DLAT: variants seen among roughly 807,000 people sequenced by gnomAD.
The protein encoded by DLAT is dihydrolipoamide S-acetyltransferase.
DLAT carries 43 observed loss-of-function variants against 68.0 expected under a neutral mutation model. The ratio of observed to expected loss-of-function variants is 0.63; its 90% confidence interval spans 0.50 to 0.81. DLAT has a LOEUF of 0.81. Among genes scored for constraint, DLAT ranks in the 40% least tolerant of loss-of-function variants. The pLI is 0.00. For missense variants in DLAT, 745 were observed against 815.4 expected (o/e 0.91, Z 1.05); for synonymous variants, 265 against 288.6 (o/e 0.92, Z 0.83).
In DLAT at chr11:112,059,790, A is replaced by C. The variant is rs587704949; in HGVS notation, c.1515-113A>C. ...TAATTTTTGTCTTTGGCTGAACAAT[A>C]ACACACATTGGTTCAAAAAATTTTT... is the stretch of plus-strand genomic sequence containing the variant. On this transcript the variant is annotated intron_variant, in intron 11 of 13. Coordinates refer to ENST00000280346, the MANE Select transcript of DLAT (RefSeq NM_001931.5). 3.6e-6 allele frequency: 3 copies of C among 842,150 alleles called. No individual in the cohort carries two copies. The African/African-American group carries it at 5.2e-5, about 14-fold the overall frequency. 52.2% of individuals were successfully genotyped at this position (842,150 alleles called of 1,614,324 possible).
chr11:112,055,734 T>G (rs149517869), intron 11 of DLAT, among the ~76,000 whole-genome samples: 1 of 151,882 alleles, frequency 6.6e-6, no homozygotes, highest in Non-Finnish European at 1.5e-5. Flanking sequence ...GCAGCAAACA[T>G]TCAAGGAATT....
Position 112,025,561 on chromosome 11 carries a change from G to A in DLAT, c.89G>A (p.Gly30Glu), listed in dbSNP as rs1384319229. The A allele has an allele frequency of 1.2e-6, 2 of 1,613,912 alleles. No homozygotes were observed. Among genetic ancestry groups the A allele is most frequent in the African/African-American group, 2.7e-5 (2 of 74,934 alleles). ...TGGACGGCCTTGCAGGAGGTACCCGGAACTCCACGAGTGACCTCGCGATCT... is the reference window on the plus strand; with the variant it reads ...TGGACGGCCTTGCAGGAGGTACCCGAAACTCCACGAGTGACCTCGCGATCT... ...ARWTALQEVP[G>E]TPRVTSRSGP... is the part of the protein sequence containing the mutation. The change falls in exon 1 of 14, where the codon GGA becomes GAA. Residue 30 changes from glycine to glutamate, a missense_variant. Coordinates refer to ENST00000280346, the MANE Select transcript of DLAT (RefSeq NM_001931.5).
At chr11:112,049,572 ATT>A (rs60794678) in intron 10 of DLAT, among the ~76,000 whole-genome samples, 11 of 142,886 alleles carry the variant, frequency 7.7e-5, no homozygotes, top group Middle Eastern at 3.7e-3. Context: ...GGTATGATTG[ATT>A]TTTTTTTTTT....
intron 2 of DLAT, among the ~76,000 whole-genome samples, chr11:112,026,953 C>G (rs1280603137): frequency 1.3e-5 from 2 of 150,374 alleles, no homozygotes; most frequent in Admixed American, 6.6e-5. Flanking sequence ...CTGACCCCCC[C>G]ACTTCCCTCC....
rs1555181426 is a variant in DLAT, at chr11:112,045,873, A to G, written c.1301A>G (p.Gln434Arg). ...PISNIRRVIAQRLMQSKQTIP... is the reference protein window; with the variant it reads ...PISNIRRVIARRLMQSKQTIP... Reference sequence around the variant, plus strand: ...TCTCTTTGGTTTCAGGTTATTGCACAGCGATTAATGCAATCAAAGCAAACC... The same window carrying G: ...TCTCTTTGGTTTCAGGTTATTGCACGGCGATTAATGCAATCAAAGCAAACC... The change falls in exon 10 of 14, where the codon CAG becomes CGG. Residue 434 changes from glutamine to arginine, a missense_variant. Transcript: ENST00000280346. The G allele has an allele frequency of 3.7e-6, 6 of 1,603,704 alleles. No homozygotes were observed. The South Asian group carries it at 5.5e-5, about 15-fold the overall frequency.
rs66865041 is a variant in DLAT at position 112,055,235 on chromosome 11, ATT to A, written c.1514+3911_1514+3912del. Among the ~76,000 whole-genome samples the A allele has an allele frequency of 7.9e-3, 592 of 75,408 alleles. 2 individuals are homozygous for A. Among genetic ancestry groups the A allele is most frequent in the African/African-American group, 0.029 (562 of 19,096 alleles). The allele number at this position is 75,408 out of a possible 152,430, so 49.5% of individuals were successfully genotyped here. On this transcript the variant is annotated intron_variant, in intron 11 of 13. Coordinates refer to ENST00000280346, the MANE Select transcript of DLAT (RefSeq NM_001931.5). ...GTCTTCCGTAATTCAGTCAAGGCCT[ATT>A]TTTTTTTTTTTTTTTTTTTTTTTTG...
At chr11:112,031,707 G>A (rs1555179969) in intron 4 of DLAT, among the ~76,000 whole-genome samples, 1 of 150,604 alleles carries the variant, frequency 6.6e-6, no homozygotes, top group African/African-American at 2.4e-5. Flanking sequence ...CCAAGACGCT[G>A]TGACTACAGG....
chr11:112,029,776 G>T, intron 4 of DLAT: 1 of 467,678 alleles, frequency 2.1e-6, no homozygotes, highest in Admixed American at 2.6e-5. Context: ...GGCCAGTCCA[G>T]ATTATCTTAC....
At position 112,025,441 on chromosome 11, in the gene DLAT, T is replaced by C. The variant is rs1309344099; in HGVS notation, c.-32T>C. 12 of 1,601,644 alleles carry C rather than the reference T, an allele frequency of 7.5e-6. No homozygotes were observed. The highest frequency in any genetic ancestry group is 1.3e-5 in the African/African-American group (1 of 74,642). On this transcript the variant is annotated 5_prime_UTR_variant, in exon 1 of 14. Coordinates refer to ENST00000280346, the MANE Select transcript of DLAT (RefSeq NM_001931.5). ...TGGAGAGGTCACTCCGGAGACGGCGTTGGTTTTGGGGTGTGGGGGGTTGGT... is the reference window on the plus strand; with the variant it reads ...TGGAGAGGTCACTCCGGAGACGGCGCTGGTTTTGGGGTGTGGGGGGTTGGT...
chr11:112,030,311 A>G, intron 4 of DLAT: 1 of 534,358 alleles, frequency 1.9e-6, no homozygotes, highest in Non-Finnish European at 3.8e-6. Context: ...CCTGACTGCC[A>G]TTGCTGACAT....
chr11:112,031,563 C>T (rs1313379184), intron 4 of DLAT, among the ~76,000 whole-genome samples: 1 of 151,612 alleles, frequency 6.6e-6, no homozygotes, highest in Non-Finnish European at 1.5e-5. Context: ...AATACATGCA[C>T]ATACCACCAC....
intron 8 of DLAT, among the ~76,000 whole-genome samples, chr11:112,043,811 G>A (rs1555181213): frequency 6.6e-6 from 1 of 152,038 alleles, no homozygotes; most frequent in African/African-American, 2.4e-5. Flanking sequence ...ATCATCTCTA[G>A]ATTACTTATA....
At chr11:112,040,078 G>T (rs1424955266) in intron 7 of DLAT, among the ~76,000 whole-genome samples, 1 of 152,180 alleles carries the variant, frequency 6.6e-6, no homozygotes, top group African/African-American at 2.4e-5. Flanking sequence ...GCTATAACAG[G>T]TGAAGTGCTT....
intron 10 of DLAT, among the ~76,000 whole-genome samples, chr11:112,047,212 A>G (rs1417671318): frequency 2.0e-5 from 3 of 152,198 alleles, no homozygotes; most frequent in African/African-American, 7.2e-5. Context: ...TTCTTTAATG[A>G]CCAGTGATGA....
intron 2 of DLAT, among the ~76,000 whole-genome samples, chr11:112,027,057 C>T (rs1862074221): frequency 6.6e-6 from 1 of 151,694 alleles, no homozygotes; most frequent in South Asian, 2.1e-4. Flanking sequence ...CCACCTCCCT[C>T]CCGGACGGGG....
chr11:112,045,946 G>C lies in DLAT; in HGVS notation c.1374G>C (p.Leu458Phe). The change falls in exon 10 of 14, where the codon TTG (leucine) becomes TTC (phenylalanine). Residue 458 changes from leucine to phenylalanine, a missense_variant. Transcript: ENST00000280346. ...LSIDVNMGEV[L>F]LVRKELNKIL... ...TCGATGTAAATATGGGAGAAGTTTT[G>C]TTGGTACGGAAAGAACTTAATAAGG... is the stretch of plus-strand genomic sequence containing the variant. 1 of 1,606,476 alleles carries C rather than the reference G, an allele frequency of 6.2e-7. No homozygotes were observed. The highest frequency in any genetic ancestry group is 1.3e-5 in the African/African-American group (1 of 74,962).
At position 112,025,533 on chromosome 11, in the gene DLAT, C is replaced by G. The variant is rs782677811; in HGVS notation, c.61C>G (p.Arg21Gly). The G allele has an allele frequency of 6.2e-7, 1 of 1,613,870 alleles. No homozygotes were observed. The highest frequency in any genetic ancestry group is 1.3e-5 in the African/African-American group (1 of 74,924). ...AGCCCCATGGGCGGGACTCGAGGCT[C>G]GGTGGACGGCCTTGCAGGAGGTACC... Reference protein sequence around the residue: ...NVAPWAGLEARWTALQEVPGT... With the variant: ...NVAPWAGLEAGWTALQEVPGT... Residue 21 changes from arginine (R) to glycine (G), a missense_variant, in exon 1 of 14, where the codon CGG (arginine) becomes GGG (glycine). Transcript: ENST00000280346.
rs2137708293 is a variant in DLAT at position 112,030,234 on chromosome 11, T to C, written c.660+1289T>C. On this transcript the variant is annotated intron_variant, in intron 4 of 13. Coordinates refer to ENST00000280346, the MANE Select transcript of DLAT (RefSeq NM_001931.5). ...TTTTCTGAATTCTCTAGTGCAGAAC[T>C]ACCCAAAGTTCTCGGTCGTCTTAGG... The C allele has an allele frequency of 1.2e-5, 7 of 580,580 alleles. No homozygotes were observed. In the Middle Eastern group the frequency reaches 8.8e-4, roughly 73 times the overall value. The allele number at this position is 580,580 out of a possible 1,614,324, so 36.0% of individuals were successfully genotyped here. A position where few individuals can be genotyped will look rare whatever the true frequency, so the allele number is the denominator to read the frequency against.
chr11:112,031,348 GT>G (rs1566612920), intron 4 of DLAT, among the ~76,000 whole-genome samples: 2 of 152,172 alleles, frequency 1.3e-5, no homozygotes, highest in African/African-American at 4.8e-5. Flanking sequence ...GCATTCTGAT[GT>G]TTGGATATTA....
Sources: gnomAD v4.1 joint callset for allele counts (sites outside exome capture counted in the v4.1 genomes callset) on GRCh38, gnomAD v4.1.1 for gene constraint, MANE v1.5 for transcripts, NCBI Gene and HGNC (gene_info 2026-07-23, HGNC 2026-07-21) for gene names.